MCM10: variants seen among roughly 807,000 people sequenced by gnomAD.
The protein encoded by MCM10 is minichromosome maintenance 10 replication initiation factor.
In MCM10, 91 loss-of-function variants were observed where a neutral mutation model predicts 109.9. That is an observed-to-expected ratio of 0.83 (90% CI 0.70 to 0.99). MCM10 has a LOEUF of 0.99. MCM10 is among the 50% of genes least tolerant of loss of function. The pLI is 0.00. For missense variants in MCM10, 1,077 were observed against 1,061.2 expected, an observed-to-expected ratio of 1.01 and a Z score of -0.21; for synonymous variants, 380 against 387.2, an observed-to-expected ratio of 0.98 and a Z score of 0.22.
At chr10:13,201,756 T>C in intron 17 of MCM10, 1 of 521,564 alleles carries the variant, frequency 1.9e-6, no homozygotes, top group South Asian at 2.3e-5. Context: ...TCTTCTCTCA[T>C]TTGACCACAG....
chr10:13,175,581 C>G lies in MCM10; in HGVS notation c.664C>G (p.Pro222Ala), dbSNP rs753927797. 1 of 1,614,070 alleles carries G rather than the reference C, an allele frequency of 6.2e-7. No individual in the cohort carries two copies. ...QPLQTISRNK[P>A]SGITRGQIVG... ...CCTACAGACGATTTCTCGGAACAAA[C>G]CTAGTGGGATAACTAGAGGTCAAAT... The change falls in exon 6 of 20, where the codon CCT becomes GCT. Residue 222 changes from proline (P) to alanine (A), a missense_variant. By Grantham distance (27) the Pro-to-Ala change is conservative. Coordinates refer to ENST00000378714, the MANE Select transcript of MCM10 (RefSeq NM_018518.5).
chr10:13,171,826 G>A (rs1220417354), intron 3 of MCM10, among the ~76,000 whole-genome samples: 2 of 151,618 alleles, frequency 1.3e-5, no homozygotes, highest in East Asian at 1.9e-4. Flanking sequence ...GTACAGTGGT[G>A]CAATCTTGGC....
chr10:13,191,263 A>T, intron 10 of MCM10, 36 bp from the exon 11 acceptor site: 1 of 1,397,002 alleles, frequency 7.2e-7, no homozygotes, highest in Non-Finnish European at 1.0e-6. Flanking sequence ...TTGAGGCTTT[A>T]GTGATTCTCC....
intron 16 of MCM10, 150 bp downstream of exon 16, chr10:13,198,957 G>A (rs907209206): frequency 1.9e-5 from 11 of 577,960 alleles, no homozygotes; most frequent in Admixed American, 1.8e-4. Context: ...GTGCAGTGGC[G>A]CCATCTCGGC....
intron 6 of MCM10, among the ~76,000 whole-genome samples, chr10:13,177,484 G>A (rs188487075): frequency 8.0e-4 from 109 of 135,644 alleles, no homozygotes; most frequent in African/African-American, 2.8e-3. Context: ...TCATGTTTGT[G>A]CTCAAAAGTT....
rs947108551 is a variant in MCM10, at chr10:13,207,238, T to C, written c.2499-1853T>C. 2.0e-5 allele frequency among the ~76,000 whole-genome samples: 3 copies of C among 152,212 alleles called. 1 individual carries two copies. The highest frequency in any genetic ancestry group is 6.5e-5 in the Admixed American group (1 of 15,280). ...GGTGCAGCCTGAAAGCAACCATAGATAATACACAGGCAACTGGGCACGGCT... is the reference window on the plus strand; with the variant it reads ...GGTGCAGCCTGAAAGCAACCATAGACAATACACAGGCAACTGGGCACGGCT... On this transcript the variant is annotated intron_variant, in intron 18 of 19. Coordinates refer to ENST00000378714, the MANE Select transcript of MCM10 (RefSeq NM_018518.5).
Position 13,186,225 on chromosome 10 carries a change from GA to G in MCM10, c.1162del (p.Thr388ProfsTer16). Reference protein sequence around the residue: ...VLIMGEALDLGTCKAKKKNGE... With the variant: ...VLIMGEALDLXTCKAKKKNGE... ...ATTATGGGTGAAGCTCTTGACCTGG[GA>G]ACCTGTAAAGCCAAGAAGAAGAATG... is the stretch of plus-strand genomic sequence containing the variant. On this transcript the variant is annotated frameshift_variant, in exon 9 of 20. Coordinates refer to ENST00000378714, the MANE Select transcript of MCM10 (RefSeq NM_018518.5). LOFTEE classifies it high-confidence loss of function. The G allele has an allele frequency of 6.2e-7, 1 of 1,613,262 alleles. No individual in the cohort carries two copies. Among genetic ancestry groups the G allele is most frequent in the East Asian group, 2.2e-5 (1 of 44,868 alleles).
chr10:13,189,575 G>A (rs534151385), intron 10 of MCM10, among the ~76,000 whole-genome samples: 5 of 152,220 alleles, frequency 3.3e-5, no homozygotes, highest in Admixed American at 6.5e-5. Context: ...TGCCTGCCTC[G>A]GCCTCCCAAA....
intron 10 of MCM10, among the ~76,000 whole-genome samples, chr10:13,189,920 A>G (rs1318258011): frequency 6.6e-6 from 1 of 152,172 alleles, no homozygotes; most frequent in East Asian, 1.9e-4. Context: ...CCTTTGGAAG[A>G]ATTGTCTTGG....
chr10:13,171,466 G>A (rs1237797821), intron 3 of MCM10, among the ~76,000 whole-genome samples: 1 of 152,214 alleles, frequency 6.6e-6, no homozygotes, highest in Non-Finnish European at 1.5e-5. Context: ...GACTCTATCA[G>A]TGTCAGCCAG....
In MCM10 at chr10:13,170,673, G is replaced by GT. The variant is rs200325167; in HGVS notation, c.8-241dup. 3.9e-3 allele frequency among the ~76,000 whole-genome samples: 586 copies of GT among 151,276 alleles called. 3 individuals carry two copies. Among genetic ancestry groups the GT allele is most frequent in the African/African-American group, 0.013 (521 of 41,346 alleles). On this transcript the variant is annotated intron_variant, in intron 2 of 19. Transcript: ENST00000378714. ...CAAAATGGTGCATCTGTAGGTTTTT[G>GT]TTTTTTTTGTTTGTTTGTTTGTTTG...
intron 2 of MCM10, among the ~76,000 whole-genome samples, chr10:13,164,971 GT>G (rs149291212): frequency 6.6e-6 from 1 of 151,956 alleles, no homozygotes; most frequent in Non-Finnish European, 1.5e-5. Context: ...CTGAAACTGG[GT>G]TTTTTTAAAA....
chr10:13,179,603 A>G (rs1834183984), intron 6 of MCM10, among the ~76,000 whole-genome samples: 1 of 152,198 alleles, frequency 6.6e-6, no homozygotes, highest in Non-Finnish European at 1.5e-5. Context: ...GCAAATATAT[A>G]ACGCTATCAA....
At chr10:13,164,976 T>C (rs906968970) in intron 2 of MCM10, among the ~76,000 whole-genome samples, 14 of 152,260 alleles carry the variant, frequency 9.2e-5, no homozygotes, top group African/African-American at 3.4e-4. Context: ...ACTGGGTTTT[T>C]TTAAAAAATT....
At chr10:13,175,488 A>T in intron 5 of MCM10, 22 bp from the exon 6 acceptor site, 1 of 1,610,252 alleles carries the variant, frequency 6.2e-7, no homozygotes, top group East Asian at 2.2e-5. Context: ...TTGCCTTTTC[A>T]TTAATTGTGT....
chr10:13,181,698 A>G (rs1467776483), intron 7 of MCM10, among the ~76,000 whole-genome samples: 1 of 152,244 alleles, frequency 6.6e-6, no homozygotes, highest in Non-Finnish European at 1.5e-5. Flanking sequence ...TTAAAAAATT[A>G]AAGATTACCC....
chr10:13,192,621 C>T (rs1319454077), intron 13 of MCM10, 53 bp downstream of exon 13: 2 of 1,481,368 alleles, frequency 1.4e-6, no homozygotes, highest in African/African-American at 1.4e-5. Context: ...CTCAGGCGTC[C>T]TCAGAACGTC....
At chr10:13,190,994 A>C (rs1834339940) in intron 10 of MCM10, among the ~76,000 whole-genome samples, 1 of 152,130 alleles carries the variant, frequency 6.6e-6, no homozygotes, top group Admixed American at 6.6e-5. Flanking sequence ...CATAATCCTT[A>C]ATTATTTTAA....
chr10:13,204,219 T>A lies in MCM10; in HGVS notation c.2353T>A (p.Cys785Ser). The A allele has an allele frequency of 6.2e-7, 1 of 1,613,942 alleles. No homozygotes were observed. The highest frequency in any genetic ancestry group is 1.7e-4 in the Middle Eastern group (1 of 6,000). ...GTGGGTTTTTTGTTGCTCTGTGCAG[T>A]GCGCCTATACCCACTTCAAGCTGCT... ...VKCRVVTCKTCAYTHFKLLET... is the reference protein window; with the variant it reads ...VKCRVVTCKTSAYTHFKLLET... The change falls in exon 18 of 20, where the codon TGC becomes AGC. Residue 785 changes from cysteine to serine, a missense_variant and splice_region_variant. Transcript: ENST00000378714.
Sources: gnomAD v4.1 joint callset for allele counts (sites outside exome capture counted in the v4.1 genomes callset) on GRCh38, gnomAD v4.1.1 for gene constraint, MANE v1.5 for transcripts, NCBI Gene and HGNC (gene_info 2026-07-23, HGNC 2026-07-21) for gene names.